Variants in CDC42BPB observed in about 807,000 individuals in gnomAD.
The protein encoded by CDC42BPB is serine/threonine-protein kinase MRCK beta.
CDC42BPB carries 37 observed loss-of-function variants against 214.9 expected under a neutral mutation model. The ratio of observed to expected loss-of-function variants is 0.17; its 90% CI spans 0.13 to 0.23. The LOEUF (loss-of-function observed/expected upper bound fraction) is 0.23. Among genes scored for constraint, CDC42BPB ranks in the 10% least tolerant of loss-of-function variants. CDC42BPB has a pLI of 1.00. For synonymous variants in CDC42BPB, 931 were observed against 884.0 expected, an observed-to-expected ratio of 1.05 and a Z score of -0.94; for missense variants, 1,694 against 2,227.0, an observed-to-expected ratio of 0.76 and a Z score of 4.82.
chr14:103,041,369 G>C (rs938799826), intron 1 of CDC42BPB: 1 of 500,756 alleles, frequency 2.0e-6, no homozygotes, highest in African/African-American at 2.0e-5. Flanking sequence ...ATGAAACTTT[G>C]TGACCTTGCA....
At position 102,966,377 on chromosome 14, in the gene CDC42BPB, C is replaced by G. The variant is rs754162942; in HGVS notation, c.2482G>C (p.Glu828Gln). The change falls in exon 18 of 37, where the codon GAG becomes CAG. Residue 828 changes from glutamate (E) to glutamine (Q), a missense_variant. Transcript: ENST00000361246. The part of the protein sequence containing the change: ...IAEIIQWVSD[E>Q]KDARGYLQAL... ...TGAAGGTAACCCCGGGCATCTTTCT[C>G]GTCACTGACCCTGGAGGAGGGAACA... 2 of 1,613,668 alleles carry G rather than the reference C, an allele frequency of 1.2e-6. No homozygotes were observed. Among genetic ancestry groups the G allele is most frequent in the Non-Finnish European group, 1.7e-6 (2 of 1,179,714 alleles).
At chr14:103,056,774 A>G (rs1888996577) in intron 1 of CDC42BPB, among the ~76,000 whole-genome samples, 1 of 151,728 alleles carries the variant, frequency 6.6e-6, no homozygotes, top group African/African-American at 2.4e-5. Context: ...GAGGGCAAGG[A>G]GGGATGAAAA....
intron 1 of CDC42BPB, among the ~76,000 whole-genome samples, chr14:103,021,462 T>C (rs1233543985): frequency 1.4e-5 from 2 of 147,064 alleles, no homozygotes; most frequent in Admixed American, 1.3e-4. Flanking sequence ...TGAGACTGTC[T>C]CAAAAAAAAA....
intron 5 of CDC42BPB, among the ~76,000 whole-genome samples, chr14:102,995,861 C>T (rs902107807): frequency 6.6e-6 from 1 of 152,232 alleles, no homozygotes; most frequent in African/African-American, 2.4e-5. Flanking sequence ...ACCAAATGTT[C>T]ACAATGCCCC....
intron 20 of CDC42BPB, among the ~76,000 whole-genome samples, chr14:102,960,636 A>G (rs183758140): frequency 1.7e-4 from 26 of 152,206 alleles, no homozygotes; most frequent in African/African-American, 5.5e-4. Context: ...ATATCAAAAA[A>G]CAAGAATCAA....
intron 5 of CDC42BPB, among the ~76,000 whole-genome samples, chr14:102,989,873 A>G (rs962085337): frequency 2.0e-5 from 3 of 151,554 alleles, no homozygotes; most frequent in Non-Finnish European, 4.4e-5. Context: ...AAAAAAAAGA[A>G]AAAAAAAAGA....
intron 1 of CDC42BPB, chr14:103,042,159 A>C (rs2139750711): frequency 6.2e-6 from 1 of 160,260 alleles, no homozygotes; most frequent in South Asian, 1.7e-4. Context: ...GACTTCATCA[A>C]AATTAAGAAC....
At position 103,001,676 on chromosome 14, in the gene CDC42BPB, C is replaced by T. The variant is rs1017421268; in HGVS notation, c.448-1963G>A. Among the ~76,000 whole-genome samples the T allele has an allele frequency of 1.3e-5, 2 of 152,166 alleles. No individual in the cohort carries two copies. The highest frequency in any genetic ancestry group is 2.4e-5 in the African/African-American group (1 of 41,422). The stretch of plus-strand genomic sequence containing the variant: ...ATGCAGAGGGGGCGGTGGATGCACA[C>T]TGCAGGCATTCCAGAGGGAGCGGCC... On this transcript the variant is annotated intron_variant, in intron 4 of 36. Transcript: ENST00000361246. This position sits in a 1 kb window ranked among gnomAD's most constrained non-coding sequence, Gnocchi z 5.8.
intron 1 of CDC42BPB, among the ~76,000 whole-genome samples, chr14:103,048,318 C>T (rs988356120): frequency 2.6e-5 from 4 of 151,790 alleles, no homozygotes; most frequent in Admixed American, 6.6e-5. Flanking sequence ...CCAATGCGGG[C>T]GGACTGCTTG....
chr14:103,051,426 T>TG (rs1888600553), intron 1 of CDC42BPB, among the ~76,000 whole-genome samples: 1 of 80,862 alleles, frequency 1.2e-5, no homozygotes, highest in African/African-American at 3.8e-5. Context: ...CTCTTCCAGC[T>TG]AAAAAAAAAA....
Position 102,963,044 on chromosome 14 carries a change from G to A in CDC42BPB, c.2821+17C>T, listed in dbSNP as rs756955806. The A allele has an allele frequency of 3.2e-5, 36 of 1,111,122 alleles. No homozygotes were observed. The Middle Eastern group carries it at 6.0e-4, about 19-fold the overall frequency. The allele number at this position is 1,111,122 out of a possible 1,614,324, so 68.8% of individuals were successfully genotyped here. ...ACTTATATTCAAATAATGCAGAATCGCACAACATTAATTTACCAGTATCTG... is the reference window on the plus strand; with the variant it reads ...ACTTATATTCAAATAATGCAGAATCACACAACATTAATTTACCAGTATCTG... On this transcript the variant is annotated intron_variant, in intron 20 of 36. Transcript: ENST00000361246.
At chr14:103,013,910 A>T (rs1886303522) in intron 1 of CDC42BPB, among the ~76,000 whole-genome samples, 2 of 152,200 alleles carry the variant, frequency 1.3e-5, no homozygotes, top group Non-Finnish European at 1.5e-5. Context: ...TCACACCTGT[A>T]ATCCCGGCAC....
At chr14:103,005,961 G>T (rs1396548950) in intron 3 of CDC42BPB, among the ~76,000 whole-genome samples, 1 of 150,134 alleles carries the variant, frequency 6.7e-6, no homozygotes, top group Non-Finnish European at 1.5e-5. Context: ...CGAGGTCGCA[G>T]TGAGCCAAGA....
chr14:102,988,313 A>T (rs1595498070), intron 5 of CDC42BPB, among the ~76,000 whole-genome samples: 1 of 151,640 alleles, frequency 6.6e-6, no homozygotes, highest in South Asian at 2.1e-4. Flanking sequence ...ACAAAACATG[A>T]CTAACATTTG....
intron 28 of CDC42BPB, 66 bp downstream of exon 28, chr14:102,946,402 G>C: frequency 6.5e-7 from 1 of 1,540,272 alleles, no homozygotes; most frequent in Admixed American, 1.7e-5. Flanking sequence ...TTTCAGATGG[G>C]CACTGCAGCG....
At chr14:103,006,062 T>C (rs1356829773) in intron 3 of CDC42BPB, among the ~76,000 whole-genome samples, 1 of 150,530 alleles carries the variant, frequency 6.6e-6, no homozygotes, top group Admixed American at 6.6e-5. Flanking sequence ...GTGTCCCAGT[T>C]CTACTAATGA....
At chr14:102,983,231 G>A (rs1251411808) in intron 7 of CDC42BPB, among the ~76,000 whole-genome samples, 3 of 152,136 alleles carry the variant, frequency 2.0e-5, no homozygotes, top group African/African-American at 4.8e-5. Context: ...TGCAGACGAC[G>A]CGTCTGTCTA....
intron 36 of CDC42BPB, among the ~76,000 whole-genome samples, chr14:102,936,567 G>C (rs569513349): frequency 8.2e-5 from 12 of 147,140 alleles, no homozygotes; most frequent in Middle Eastern, 3.5e-3. Flanking sequence ...GAAATCACAG[G>C]AAACTACTGG....
chr14:102,959,805 T>A, intron 20 of CDC42BPB, 95 bp from the exon 21 acceptor site: 1 of 1,409,698 alleles, frequency 7.1e-7, no homozygotes, highest in Non-Finnish European at 9.3e-7. Flanking sequence ...TCAATTCTCC[T>A]TGAGTAACTG....
Sources: allele counts gnomAD v4.1 joint callset (sites outside exome capture counted in the v4.1 genomes callset), GRCh38; gene constraint gnomAD v4.1.1; non-coding constraint Gnocchi (gnomAD v3.1); transcripts MANE v1.5; gene names NCBI Gene and HGNC (gene_info 2026-07-23, HGNC 2026-07-21).